Variants in CPM observed in about 807,000 individuals in gnomAD.
The protein encoded by CPM is renal carboxypeptidase.
In CPM, 35 loss-of-function variants were observed where a neutral mutation model predicts 46.4. The ratio of observed to expected loss-of-function variants is 0.75; its 90% CI spans 0.58 to 1.00. The LOEUF is 1.00. Among genes scored for constraint, CPM ranks in the 50% least tolerant of loss-of-function variants. CPM has a pLI of 0.00. For synonymous variants in CPM, 195 were observed against 195.3 expected (o/e 1.00, Z 0.01); for missense variants, 422 against 530.4 (o/e 0.80, Z 2.01).
intron 1 of CPM, among the ~76,000 whole-genome samples, chr12:68,953,638 A>T (rs1888970354): frequency 6.6e-6 from 1 of 152,222 alleles, no homozygotes; most frequent in African/African-American, 2.4e-5. Flanking sequence ...AGACAAGCTC[A>T]GTCCCTGCCC....
chr12:68,929,535 T>C (rs561026983), intron 2 of CPM, among the ~76,000 whole-genome samples: 1 of 152,218 alleles, frequency 6.6e-6, no homozygotes, highest in Non-Finnish European at 1.5e-5. Context: ...GGCAGTGGGA[T>C]TTCCTTCAAA....
chr12:68,872,099 G>T, intron 3 of CPM, 143 bp from the exon 4 acceptor site: 1 of 835,016 alleles, frequency 1.2e-6, no homozygotes, highest in Non-Finnish European at 1.8e-6. Context: ...TCTTTCTCAA[G>T]CATGCTTATG....
In CPM at chr12:68,865,603, A is replaced by G. The variant is rs567690484; in HGVS notation, c.940+1293T>C. On this transcript the variant is annotated intron_variant, in intron 7 of 8. Coordinates refer to ENST00000551568, the MANE Select transcript of CPM (RefSeq NM_198320.5). Reference sequence around the variant, plus strand: ...GTAGGCCCATGCAGCAAACCTTTTCAACACCCACACACACCCACACACACA... The same window carrying G: ...GTAGGCCCATGCAGCAAACCTTTTCGACACCCACACACACCCACACACACA... Among the ~76,000 whole-genome samples, 4 of 151,898 alleles carry G rather than the reference A, an allele frequency of 2.6e-5. No individual in the cohort carries two copies. In the South Asian group the frequency reaches 8.3e-4, roughly 32 times the overall value.
At chr12:68,943,233 T>C (rs1888792450) in intron 1 of CPM, among the ~76,000 whole-genome samples, 1 of 152,206 alleles carries the variant, frequency 6.6e-6, no homozygotes, top group Admixed American at 6.5e-5. Flanking sequence ...ATTCATGTCC[T>C]TTTCTGTAAA....
At chr12:68,889,455 A>G (rs1886564911) in intron 2 of CPM, among the ~76,000 whole-genome samples, 1 of 152,338 alleles carries the variant, frequency 6.6e-6, no homozygotes, top group African/African-American at 2.4e-5. Flanking sequence ...AAAAGAATGC[A>G]AAATTATATA....
At chr12:68,862,781 C>A (rs1272394736) in intron 7 of CPM, among the ~76,000 whole-genome samples, 1 of 150,404 alleles carries the variant, frequency 6.6e-6, no homozygotes, top group Non-Finnish European at 1.5e-5. Flanking sequence ...TGATTTATTT[C>A]TATATGCTGA....
intron 1 of CPM, among the ~76,000 whole-genome samples, chr12:68,947,727 C>T (rs1180018202): frequency 6.6e-6 from 1 of 152,030 alleles, no homozygotes; most frequent in Admixed American, 6.6e-5. Context: ...TGACTGCAAC[C>T]TTGACTTCCC....
At chr12:68,903,123 T>C (rs1267149938) in intron 2 of CPM, among the ~76,000 whole-genome samples, 1 of 152,234 alleles carries the variant, frequency 6.6e-6, no homozygotes, top group African/African-American at 2.4e-5. Context: ...ACAAAGTCAA[T>C]GTTACCTGCA....
chr12:68,887,669 C>T (rs941319182), intron 2 of CPM, among the ~76,000 whole-genome samples: 6 of 152,104 alleles, frequency 3.9e-5, no homozygotes, highest in Admixed American at 2.6e-4. Flanking sequence ...CACAAATAAG[C>T]CACATGCTCT....
At chr12:68,929,492 G>A (rs1242591590) in intron 2 of CPM, among the ~76,000 whole-genome samples, 1 of 152,024 alleles carries the variant, frequency 6.6e-6, no homozygotes, top group Non-Finnish European at 1.5e-5. Context: ...TGCTTCTCTT[G>A]TTTCACCTAA....
At chr12:68,869,849 G>A (rs1489952707) in intron 5 of CPM, among the ~76,000 whole-genome samples, 1 of 151,100 alleles carries the variant, frequency 6.6e-6, no homozygotes, top group East Asian at 1.9e-4. Context: ...GTTTTAAGAA[G>A]AGTCAACAAT....
chr12:68,953,336 C>T (rs886754080), intron 1 of CPM, among the ~76,000 whole-genome samples: 6 of 151,916 alleles, frequency 3.9e-5, no homozygotes, highest in African/African-American at 9.7e-5. Flanking sequence ...TTCATATTTC[C>T]GTGCATGGAA....
At chr12:68,865,075 A>G (rs1160593226) in intron 7 of CPM, among the ~76,000 whole-genome samples, 1 of 152,210 alleles carries the variant, frequency 6.6e-6, no homozygotes, top group East Asian at 1.9e-4. Context: ...CAATAGAGGT[A>G]GAAATATAAT....
At chr12:68,930,039 T>TATAA (rs1005436226) in intron 2 of CPM, among the ~76,000 whole-genome samples, 18 of 152,184 alleles carry the variant, frequency 1.2e-4, no homozygotes, top group African/African-American at 1.7e-4. Flanking sequence ...ATACATGTAA[T>TATAA]ATAAATAAAT....
intron 1 of CPM, among the ~76,000 whole-genome samples, chr12:68,939,371 GTAAA>G (rs770391117): frequency 1.2e-4 from 18 of 147,550 alleles, no homozygotes; most frequent in Non-Finnish European, 2.5e-4. Flanking sequence ...ATATACATAT[GTAAA>G]TATACATCCT....
chr12:68,955,750 C>A (rs1224387082), intron 1 of CPM, among the ~76,000 whole-genome samples: 1 of 152,094 alleles, frequency 6.6e-6, no homozygotes, highest in Non-Finnish European at 1.5e-5. Flanking sequence ...AGACCCAGAG[C>A]AGGTAGCTCC....
At chr12:68,907,705 T>G (rs1483925089) in intron 2 of CPM, among the ~76,000 whole-genome samples, 1 of 152,222 alleles carries the variant, frequency 6.6e-6, no homozygotes, top group Non-Finnish European at 1.5e-5. Flanking sequence ...CCACACAACA[T>G]TCTTTTTCCA....
rs1565761329 is a variant in CPM, at chr12:68,853,890, C to CTTTTTTTTTTTT, written c.*2546_*2547insAAAAAAAAAAAA. On this transcript the variant is annotated 3_prime_UTR_variant, in exon 9 of 9. Transcript: ENST00000551568. Reference sequence around the variant, plus strand: ...GAAAGAAATCTGCTCACCAGAGTTGCTATTTTTTTTTTCTTTTCTGTTTAG... The same window carrying CTTTTTTTTTTTT: ...GAAAGAAATCTGCTCACCAGAGTTGCTTTTTTTTTTTTTATTTTTTTTTTCTTTTCTGTTTAG... The CTTTTTTTTTTTT allele has an allele frequency of 6.6e-6, 1 of 151,388 alleles. No individual in the cohort carries two copies. 9.4% of individuals were successfully genotyped at this position (151,388 alleles called of 1,614,324 possible).
intron 3 of CPM, among the ~76,000 whole-genome samples, chr12:68,872,263 T>TTC: frequency 6.6e-6 from 1 of 150,608 alleles, no homozygotes; most frequent in Admixed American, 6.6e-5. Context: ...TTTTTTTTTT[T>TTC]TTTTTTTTGA....
Sources: gnomAD v4.1 joint callset for allele counts (sites outside exome capture counted in the v4.1 genomes callset) on GRCh38, gnomAD v4.1.1 for gene constraint, MANE v1.5 for transcripts, NCBI Gene and HGNC (gene_info 2026-07-23, HGNC 2026-07-21) for gene names.